The following ADAP1 variants were observed in gnomAD, a reference collection of about 807,000 sequenced individuals.
The protein encoded by ADAP1 is ArfGAP with dual PH domains 1.
Under a neutral mutation model 54.9 loss-of-function variants are expected in ADAP1, and 31 were observed. The ratio of observed to expected loss-of-function variants is 0.56; its 90% confidence interval spans 0.42 to 0.76. The LOEUF is 0.76. ADAP1 is among the 30% of genes least tolerant of loss of function. The pLI is 0.00. For missense variants in ADAP1, 535 were observed against 512.4 expected (o/e 1.04, Z -0.42); for synonymous variants, 313 against 202.6 (o/e 1.55, Z -4.63).
Position 954,541 on chromosome 7 carries a change from A to T in ADAP1, c.-64T>A. The T allele has an allele frequency of 1.0e-6, 1 of 994,770 alleles. No homozygotes were observed. 61.6% of individuals were successfully genotyped at this position (994,770 alleles called of 1,614,324 possible). Reference sequence around the variant, plus strand: ...GCCGGGAGCGTCAGCCCGGCTCGCTAGGGCCCCGCGCAGGCCGCCCGCCGC... The same window carrying T: ...GCCGGGAGCGTCAGCCCGGCTCGCTTGGGCCCCGCGCAGGCCGCCCGCCGC... On this transcript the variant is annotated 5_prime_UTR_variant, in exon 1 of 11. It removes the in-frame stop codon of an upstream open reading frame in the 5' UTR. Transcript: ENST00000265846.
intron 2 of ADAP1, among the ~76,000 whole-genome samples, chr7:934,604 T>C (rs1440486074): frequency 2.0e-5 from 3 of 152,024 alleles, no homozygotes; most frequent in Non-Finnish European, 2.9e-5. Context: ...CACCGGGTCT[T>C]CAGGCCCCAC....
At chr7:928,919 G>C (rs537395946) in intron 2 of ADAP1, among the ~76,000 whole-genome samples, 94 of 152,366 alleles carry the variant, frequency 6.2e-4, no homozygotes, top group African/African-American at 2.2e-3. Context: ...CTGAGAACGG[G>C]AACAAGCCCC....
At chr7:914,236 CTGGCCAACG>C (rs1019752383) in intron 4 of ADAP1, among the ~76,000 whole-genome samples, 1 of 152,244 alleles carries the variant, frequency 6.6e-6, no homozygotes, top group African/African-American at 2.4e-5. Flanking sequence ...CAGGCCTCAC[CTGGCCAACG>C]TGGGGTTGTG....
rs1844637173 is a variant in ADAP1, at chr7:898,891, C to T, written c.*30G>A. Reference sequence around the variant, plus strand: ...TCCCCTCCGTCCAGCCACAGTGAGTCCAATGTCCGTGGTCCTCCAGCCGCA... The same window carrying T: ...TCCCCTCCGTCCAGCCACAGTGAGTTCAATGTCCGTGGTCCTCCAGCCGCA... On this transcript the variant is annotated 3_prime_UTR_variant, in exon 11 of 11. Coordinates refer to ENST00000265846, the MANE Select transcript of ADAP1 (RefSeq NM_006869.4). The T allele has an allele frequency of 3.2e-6, 5 of 1,582,528 alleles. No homozygotes were observed. Among genetic ancestry groups the T allele is most frequent in the Middle Eastern group, 1.7e-4 (1 of 6,026 alleles).
chr7:915,799 C>T (rs1227330630), intron 4 of ADAP1, among the ~76,000 whole-genome samples: 2 of 152,152 alleles, frequency 1.3e-5, no homozygotes, highest in Non-Finnish European at 2.9e-5. Flanking sequence ...TATACCCCTG[C>T]AGAACCTACG....
In ADAP1 at chr7:905,403, AGGAGAAAG is replaced by A. The variant is rs1169358552; in HGVS notation, c.389-239_389-232del. 9 of 229,604 alleles carry A rather than the reference AGGAGAAAG, an allele frequency of 3.9e-5. 2 individuals are homozygous for A. Among genetic ancestry groups the A allele is most frequent in the Admixed American group, 1.2e-4 (2 of 16,602 alleles). The allele number at this position is 229,604 out of a possible 1,614,324, so 14.2% of individuals were successfully genotyped here. A position where few individuals can be genotyped will look rare whatever the true frequency, so the allele number is the denominator to read the frequency against. ...AGAAAGGAGAAAGGAGAAAGGAGAA[AGGAGAAAG>A]GGAGAAAGAGAAAGGAGAAAGGAGA... is the stretch of plus-strand genomic sequence containing the variant. On this transcript the variant is annotated intron_variant, in intron 4 of 10. Transcript: ENST00000265846.
At chr7:905,806 A>AGAAAGGAGAAAGGAGAAAGG in intron 4 of ADAP1, among the ~76,000 whole-genome samples, 1 of 65,956 alleles carries the variant, frequency 1.5e-5, no homozygotes, top group South Asian at 4.4e-4. Context: ...AGGAGAAAGG[A>AGAAAGGAGAAAGGAGAAAGG]GAAAGGAGAA....
chr7:938,998 G>A lies in ADAP1; in HGVS notation c.83-3493C>T. Among the ~76,000 whole-genome samples, 1 of 152,084 alleles carries A rather than the reference G, an allele frequency of 6.6e-6. No individual in the cohort carries two copies. Among genetic ancestry groups the A allele is most frequent in the East Asian group, 1.9e-4 (1 of 5,186 alleles). On this transcript the variant is annotated intron_variant, in intron 1 of 10. Coordinates refer to ENST00000265846, the MANE Select transcript of ADAP1 (RefSeq NM_006869.4). This position sits in a 1 kb window ranked among gnomAD's most constrained non-coding sequence, Gnocchi z 4.4. ...GGCTGTCCCTCTCCTGGCCTGGAAG[G>A]AGGCCTGTTCACAGAACCCAGGGAG...
chr7:914,715 G>A (rs1005983612), intron 4 of ADAP1, among the ~76,000 whole-genome samples: 18 of 152,126 alleles, frequency 1.2e-4, no homozygotes, highest in Admixed American at 1.0e-3. Flanking sequence ...TGGAGCCCCT[G>A]AACACACAAG....
chr7:935,167 G>A, intron 2 of ADAP1: 4 of 732,452 alleles, frequency 5.5e-6, no homozygotes, highest in Non-Finnish European at 9.7e-6. Flanking sequence ...TCACAGAGAG[G>A]TTGGACCCGG....
chr7:954,437 T>C lies in ADAP1; in HGVS notation c.41A>G (p.Gln14Arg). The C allele has an allele frequency of 1.8e-6, 2 of 1,131,460 alleles. No individual in the cohort carries two copies. The highest frequency in any genetic ancestry group is 1.1e-6 in the Non-Finnish European group (1 of 912,240). The allele number at this position is 1,131,460 out of a possible 1,614,324, so 70.1% of individuals were successfully genotyped here. A position where few individuals can be genotyped will look rare whatever the true frequency, so the allele number is the denominator to read the frequency against. Reference sequence around the variant, plus strand: ...CGCGCAGCGCGCGTTCCCCGGCCGCTGCAGCAGCTCCAGGACCGCCCTGCG... The same window carrying C: ...CGCGCAGCGCGCGTTCCCCGGCCGCCGCAGCAGCTCCAGGACCGCCCTGCG... ...ERRRAVLELL[Q>R]RPGNARCADC... Residue 14 changes from glutamine (Q) to arginine (R), a missense_variant, in exon 1 of 11, where the codon CAG becomes CGG. Physicochemically the swap from Gln to Arg is conservative, Grantham distance 43 (BLOSUM62 1). Coordinates refer to ENST00000265846, the MANE Select transcript of ADAP1 (RefSeq NM_006869.4).
chr7:950,877 A>C (rs1372009167), intron 1 of ADAP1, among the ~76,000 whole-genome samples: 5 of 146,396 alleles, frequency 3.4e-5, no homozygotes, highest in Admixed American at 1.4e-4. Context: ...AAAAAAAAAA[A>C]ACAAGAAAAG....
intron 4 of ADAP1, among the ~76,000 whole-genome samples, chr7:914,023 C>T (rs1425419447): frequency 1.3e-5 from 2 of 152,262 alleles, no homozygotes; most frequent in African/African-American, 4.8e-5. Context: ...CCGCCTTCCT[C>T]AGCCATGGTC....
chr7:948,474 C>T lies in ADAP1; in HGVS notation c.82+5922G>A, dbSNP rs115451053. ...CAAAGCCTTCCCCTGCATGCCAGGC[C>T]GAGCTCCCACTGCAGGTCTCTGCCC... On this transcript the variant is annotated intron_variant, in intron 1 of 10. Coordinates refer to ENST00000265846, the MANE Select transcript of ADAP1 (RefSeq NM_006869.4). 4.4e-3 allele frequency among the ~76,000 whole-genome samples: 663 copies of T among 152,218 alleles called. 4 individuals are homozygous for T. Among genetic ancestry groups the T allele is most frequent in the African/African-American group, 0.015 (603 of 41,536 alleles).
chr7:939,172 C>T (rs769279070), intron 1 of ADAP1, among the ~76,000 whole-genome samples: 5 of 152,136 alleles, frequency 3.3e-5, no homozygotes, highest in Admixed American at 1.3e-4. Context: ...TGTGAGCGGT[C>T]GTTGACTAGC....
chr7:907,035 G>A (rs935566722), intron 4 of ADAP1, among the ~76,000 whole-genome samples: 3 of 152,204 alleles, frequency 2.0e-5, no homozygotes, highest in Non-Finnish European at 2.9e-5. Context: ...TGCCCGGGAG[G>A]ACCAGGCTGG....
chr7:950,555 T>A (rs941698644), intron 1 of ADAP1, among the ~76,000 whole-genome samples: 5 of 150,682 alleles, frequency 3.3e-5, no homozygotes, highest in African/African-American at 7.3e-5. Flanking sequence ...GTCATAAGAT[T>A]CATAGAGACA....
In ADAP1 at chr7:900,520, G is replaced by A. The variant is rs774869967; in HGVS notation, c.732+13C>T. On this transcript the variant is annotated intron_variant, in intron 7 of 10. Transcript: ENST00000265846. ...CTGTCTGCCCTGGAGCTGACCGCAG[G>A]GCCGCCACTCACATCTGCGTCGCCG... The A allele has an allele frequency of 6.3e-7, 1 of 1,597,342 alleles. No homozygotes were observed. Among genetic ancestry groups the A allele is most frequent in the Non-Finnish European group, 8.5e-7 (1 of 1,172,500 alleles).
At position 920,520 on chromosome 7, in the gene ADAP1, C is replaced by CCCGTGCCGCCCTCCACCCG. The variant is rs1318981836; in HGVS notation, c.306-489_306-471dup. 5.3e-5 allele frequency among the ~76,000 whole-genome samples: 8 copies of CCCGTGCCGCCCTCCACCCG among 151,832 alleles called. No homozygotes were observed. The highest frequency in any genetic ancestry group is 1.3e-4 in the Admixed American group (2 of 15,244). Reference sequence around the variant, plus strand: ...CCCACCGTGCTGCCACCTTGCACCCCCCGTGCCGCCCTCCACCCGCCGTGC... The same window carrying CCCGTGCCGCCCTCCACCCG: ...CCCACCGTGCTGCCACCTTGCACCCCCCGTGCCGCCCTCCACCCGCCGTGCCGCCCTCCACCCGCCGTGC... On this transcript the variant is annotated intron_variant, in intron 3 of 10. Coordinates refer to ENST00000265846, the MANE Select transcript of ADAP1 (RefSeq NM_006869.4). This position sits in a 1 kb window ranked among gnomAD's most constrained non-coding sequence, Gnocchi z 4.5.
Sources: gnomAD v4.1 joint callset for allele counts (sites outside exome capture counted in the v4.1 genomes callset) on GRCh38, gnomAD v4.1.1 for gene constraint, Gnocchi (gnomAD v3.1) non-coding constraint, MANE v1.5 for transcripts, NCBI Gene and HGNC (gene_info 2026-07-23, HGNC 2026-07-21) for gene names.